CRYL1: variants seen among roughly 807,000 people sequenced by gnomAD.
The protein encoded by CRYL1 is lambda-crystallin homolog.
A neutral mutation model predicts 36.6 loss-of-function variants in CRYL1; 29 were observed. That is an observed-to-expected ratio of 0.79 (90% CI 0.59 to 1.08). The LOEUF is 1.08. Among genes scored for constraint, CRYL1 ranks in the 50% least tolerant of loss-of-function variants. The pLI, the probability that CRYL1 is intolerant of heterozygous loss-of-function variation, is 0.00. For synonymous variants in CRYL1, 152 were observed against 151.5 expected (o/e 1.00, Z -0.02); for missense variants, 411 against 407.9 (o/e 1.01, Z -0.06).
chr13:20,508,940 C>CATAT (rs1351391616), intron 2 of CRYL1, among the ~76,000 whole-genome samples: 1 of 148,370 alleles, frequency 6.7e-6, no homozygotes, highest in African/African-American at 2.5e-5. Context: ...CCTATAATCC[C>CATAT]ATATAATCCT....
At chr13:20,439,852 G>C in intron 3 of CRYL1, 98 bp from the exon 4 acceptor site, 1 of 1,211,892 alleles carries the variant, frequency 8.3e-7, no homozygotes, top group Non-Finnish European at 1.2e-6. Context: ...GAACCACTTT[G>C]AAAATGATGA....
rs868085133 is a variant in CRYL1 at position 20,442,998 on chromosome 13, G to C, written c.277-3244C>G. On this transcript the variant is annotated intron_variant, in intron 3 of 7. Transcript: ENST00000298248. ...CTCAGGCAGTATCAGCAGCTGACAG[G>C]TGAGGCAGAGTTTAGACACTGGTGT... Among the ~76,000 whole-genome samples the C allele has an allele frequency of 2.6e-5, 4 of 152,314 alleles. No homozygotes were observed. The Middle Eastern group carries it at 0.01, about 389-fold the overall frequency.
At chr13:20,507,938 G>GA (rs932073804) in intron 2 of CRYL1, among the ~76,000 whole-genome samples, 14 of 138,760 alleles carry the variant, frequency 1.0e-4, no homozygotes, top group East Asian at 2.2e-4. Flanking sequence ...AAAGAAAAAA[G>GA]AAAAAAAAAA....
At chr13:20,483,156 A>G (rs1392438178) in intron 3 of CRYL1, among the ~76,000 whole-genome samples, 1 of 152,146 alleles carries the variant, frequency 6.6e-6, no homozygotes, top group East Asian at 1.9e-4. Context: ...AGAGTTAATA[A>G]TGTTATATAT....
At chr13:20,503,010 G>A (rs951825975) in intron 2 of CRYL1, among the ~76,000 whole-genome samples, 1 of 151,758 alleles carries the variant, frequency 6.6e-6, no homozygotes, top group Non-Finnish European at 1.5e-5. Context: ...GGATCATACC[G>A]GAAGCGCACG....
chr13:20,471,665 A>G (rs1488733330), intron 3 of CRYL1, among the ~76,000 whole-genome samples: 1 of 152,126 alleles, frequency 6.6e-6, no homozygotes, highest in Non-Finnish European at 1.5e-5. Flanking sequence ...ACATTAGGAA[A>G]CCAGGTTTCT....
At chr13:20,436,465 A>G (rs558607401) in intron 4 of CRYL1, among the ~76,000 whole-genome samples, 1 of 152,304 alleles carries the variant, frequency 6.6e-6, no homozygotes, top group African/African-American at 2.4e-5. Flanking sequence ...CTCCTCCCTC[A>G]GCCCCTCCAC....
intron 3 of CRYL1, among the ~76,000 whole-genome samples, chr13:20,469,081 T>C (rs543673285): frequency 6.6e-6 from 1 of 152,336 alleles, no homozygotes; most frequent in South Asian, 2.1e-4. Flanking sequence ...TCAGGAAGTG[T>C]TAAGTGTCTA....
In CRYL1 at chr13:20,525,259, C is replaced by T. The variant is rs1410725006; in HGVS notation, c.41+495G>A. On this transcript the variant is annotated intron_variant, in intron 1 of 7. Coordinates refer to ENST00000298248, the MANE Select transcript of CRYL1 (RefSeq NM_015974.3). The surrounding 1 kb of genome is among the most constrained non-coding windows in gnomAD (Gnocchi z 4.3). ...GTCGCCGACAGGACTGCGCTGGCAC[C>T]CTCCCTGCTGGGCTAGTCCTGTCTC... Among the ~76,000 whole-genome samples the T allele has an allele frequency of 6.6e-6, 1 of 152,196 alleles. No homozygotes were observed. The highest frequency in any genetic ancestry group is 2.4e-5 in the African/African-American group (1 of 41,446).
intron 2 of CRYL1, among the ~76,000 whole-genome samples, chr13:20,505,062 G>T (rs1280240460): frequency 6.6e-6 from 1 of 152,040 alleles, no homozygotes; most frequent in Non-Finnish European, 1.5e-5. Context: ...CGTTAAAAAA[G>T]AATCAGAATA....
At chr13:20,441,589 G>A (rs760499019) in intron 3 of CRYL1, among the ~76,000 whole-genome samples, 20 of 152,140 alleles carry the variant, frequency 1.3e-4, no homozygotes, top group Non-Finnish European at 2.6e-4. Context: ...CATCATATTA[G>A]GTCATGAATA....
At chr13:20,480,646 G>A (rs2033257280) in intron 3 of CRYL1, among the ~76,000 whole-genome samples, 1 of 152,216 alleles carries the variant, frequency 6.6e-6, no homozygotes, top group Non-Finnish European at 1.5e-5. Flanking sequence ...CGATGTCTGA[G>A]ACACAGGCAG....
intron 5 of CRYL1, among the ~76,000 whole-genome samples, chr13:20,423,773 T>A (rs2031871021): frequency 7.0e-6 from 1 of 142,130 alleles, no homozygotes; most frequent in South Asian, 2.2e-4. Flanking sequence ...GTGGGTTCTT[T>A]TTTTTTTTTT....
At chr13:20,414,799 A>C (rs1359924728) in intron 5 of CRYL1, among the ~76,000 whole-genome samples, 1 of 152,224 alleles carries the variant, frequency 6.6e-6, no homozygotes, top group Non-Finnish European at 1.5e-5. Flanking sequence ...GATCTGCAAG[A>C]GCTGCGCTCC....
intron 2 of CRYL1, among the ~76,000 whole-genome samples, chr13:20,491,328 A>T (rs779437140): frequency 3.3e-5 from 5 of 152,204 alleles, no homozygotes; most frequent in Non-Finnish European, 4.4e-5. Context: ...GCCATAAAAC[A>T]GCTATCTTAT....
chr13:20,453,105 A>G (rs1292489428), intron 3 of CRYL1, among the ~76,000 whole-genome samples: 1 of 152,216 alleles, frequency 6.6e-6, no homozygotes, highest in Non-Finnish European at 1.5e-5. Flanking sequence ...TTATCAACCA[A>G]CTTGATCTAC....
intron 2 of CRYL1, among the ~76,000 whole-genome samples, chr13:20,492,921 C>T (rs2033537787): frequency 1.3e-5 from 2 of 152,160 alleles, no homozygotes; most frequent in South Asian, 4.1e-4. Context: ...TTGAGGATTG[C>T]TCTATGGTTA....
At chr13:20,476,144 C>T (rs1011979681) in intron 3 of CRYL1, among the ~76,000 whole-genome samples, 1 of 152,138 alleles carries the variant, frequency 6.6e-6, no homozygotes, top group Non-Finnish European at 1.5e-5. Flanking sequence ...GGTGTCTTCC[C>T]ACACACAAAT....
intron 2 of CRYL1, among the ~76,000 whole-genome samples, chr13:20,501,969 G>A (rs1022748358): frequency 3.7e-4 from 57 of 152,180 alleles, no homozygotes; most frequent in African/African-American, 1.2e-3. Flanking sequence ...CATGTGGCAC[G>A]GTGATAGTGT....
Sources: gnomAD v4.1 joint callset for allele counts (sites outside exome capture counted in the v4.1 genomes callset) on GRCh38, gnomAD v4.1.1 for gene constraint, Gnocchi (gnomAD v3.1) non-coding constraint, MANE v1.5 for transcripts, NCBI Gene and HGNC (gene_info 2026-07-23, HGNC 2026-07-21) for gene names.